The following DRD2 variants were observed in gnomAD, a reference collection of about 807,000 sequenced individuals.
The protein encoded by DRD2 is dopamine receptor D2.
A neutral mutation model predicts 38.0 loss-of-function variants in DRD2; 8 were observed. The ratio of observed to expected loss-of-function variants is 0.21; its 90% CI spans 0.12 to 0.38. The LOEUF is 0.38. DRD2 is among the 10% of genes least tolerant of loss of function. The probability of loss-of-function intolerance (pLI) is 1.00; values close to 1 mark genes in which losing one functional copy is unlikely to be tolerated. For missense variants in DRD2, 403 were observed against 607.7 expected, an observed-to-expected ratio of 0.66 and a Z score of 3.54; for synonymous variants, 230 against 238.6, an observed-to-expected ratio of 0.96 and a Z score of 0.33.
At chr11:113,435,754 C>T (rs906423271) in intron 1 of DRD2, among the ~76,000 whole-genome samples, 1 of 151,788 alleles carries the variant, frequency 6.6e-6, no homozygotes, top group Non-Finnish European at 1.5e-5. Flanking sequence ...TACTTAGCTA[C>T]CAAACTCCTG....
intron 1 of DRD2, among the ~76,000 whole-genome samples, chr11:113,426,126 C>G (rs988536521): frequency 4.6e-5 from 7 of 152,006 alleles, no homozygotes; most frequent in African/African-American, 1.7e-4. Flanking sequence ...GAGACCTGTT[C>G]AGAATTAGGA....
chr11:113,412,236 C>A, intron 7 of DRD2: 1 of 426,934 alleles, frequency 2.3e-6, no homozygotes, highest in South Asian at 2.4e-5. Flanking sequence ...AGTGACTTTC[C>A]TGGGCACATA....
chr11:113,421,917 A>G (rs1591279133), intron 2 of DRD2, among the ~76,000 whole-genome samples: 1 of 152,034 alleles, frequency 6.6e-6, no homozygotes, highest in Admixed American at 6.6e-5. Flanking sequence ...TGGCTTCTGC[A>G]CCCTCCTCCC....
intron 2 of DRD2, among the ~76,000 whole-genome samples, chr11:113,419,656 G>A (rs908532640): frequency 4.6e-5 from 7 of 152,248 alleles, no homozygotes; most frequent in Non-Finnish European, 8.8e-5. Flanking sequence ...CTACCAATAG[G>A]AGCAGAGAGG....
At chr11:113,427,060 C>A (rs1950947452) in intron 1 of DRD2, among the ~76,000 whole-genome samples, 2 of 152,242 alleles carry the variant, frequency 1.3e-5, no homozygotes, top group Non-Finnish European at 2.9e-5. Flanking sequence ...CCACTCCCTG[C>A]TGCTGATGAT....
At position 113,429,131 on chromosome 11, in the gene DRD2, C is replaced by T. The variant is rs534277702; in HGVS notation, c.-31-4449G>A. The stretch of plus-strand genomic sequence containing the variant: ...CGTTGCTTTTTGTTGCTAATACAAA[C>T]GTAGTATATTTACACCATAGGAAAA... On this transcript the variant is annotated intron_variant, in intron 1 of 7. Coordinates refer to ENST00000362072, the MANE Select transcript of DRD2 (RefSeq NM_000795.4). Among the ~76,000 whole-genome samples the T allele has an allele frequency of 3.6e-4, 55 of 152,208 alleles. 1 individual carries two copies. The highest frequency in any genetic ancestry group is 8.8e-5 in the Non-Finnish European group (6 of 68,022).
intron 5 of DRD2, among the ~76,000 whole-genome samples, chr11:113,414,664 C>T (rs1180160836): frequency 6.6e-6 from 1 of 152,186 alleles, no homozygotes; most frequent in Non-Finnish European, 1.5e-5. Flanking sequence ...AACACAAGGA[C>T]CTGGTTTTTT....
In DRD2 at chr11:113,418,162, GGACAGCA is replaced by G. The variant is rs748688997; in HGVS notation, c.286-33_286-27del. The stretch of plus-strand genomic sequence containing the variant: ...CTGGGGACAAAGCAACATAATGGAT[GGACAGCA>G]GGAGTGGGAGATTAGCTTAGGTCCT... On this transcript the variant is annotated intron_variant, in intron 2 of 7. Transcript: ENST00000362072. 1.1e-5 allele frequency: 17 copies of G among 1,584,818 alleles called. 1 individual carries two copies. In the East Asian group the frequency reaches 3.4e-4, roughly 31 times the overall value.
chr11:113,415,640 G>A, intron 4 of DRD2, 29 bp from the exon 5 acceptor site: 2 of 1,588,908 alleles, frequency 1.3e-6, no homozygotes, highest in Non-Finnish European at 1.7e-6. Context: ...GGGCAGGCAG[G>A]GAGTCAGCGG....
chr11:113,419,924 G>C (rs973994955), intron 2 of DRD2, among the ~76,000 whole-genome samples: 2 of 152,212 alleles, frequency 1.3e-5, no homozygotes, highest in Non-Finnish European at 2.9e-5. Flanking sequence ...GCTCACATGG[G>C]GGCCCCGTAC....
Position 113,424,415 on chromosome 11 carries a change from G to A in DRD2, c.237C>T (p.Ala79=), listed in dbSNP as rs759920076. 48 of 1,614,066 alleles carry A rather than the reference G, an allele frequency of 3.0e-5. No individual in the cohort carries two copies. The highest frequency in any genetic ancestry group is 6.7e-5 in the East Asian group (3 of 44,886). The stretch of plus-strand genomic sequence containing the variant: ...TGACCAGTGTGGCGACGAGGAGGTC[G>A]GCCACTGCGAGGCTGACGATCAGGT... ...TNYLIVSLAV[A]DLLVATLVMP... is the part of the protein sequence containing the mutation. The change falls in exon 2 of 8, where the codon GCC becomes GCT. Residue 79 remains alanine, a synonymous_variant. Transcript: ENST00000362072.
rs543364200 is a variant in DRD2 at position 113,458,843 on chromosome 11, C to T, written c.-32+16233G>A. The stretch of plus-strand genomic sequence containing the variant: ...ACAAATGTTCAGGGTCTACTATGCA[C>T]TAAACACCAAGGGCAAGATCTTATG... On this transcript the variant is annotated intron_variant, in intron 1 of 7. Coordinates refer to ENST00000362072, the MANE Select transcript of DRD2 (RefSeq NM_000795.4). Among the ~76,000 whole-genome samples, 3 of 152,232 alleles carry T rather than the reference C, an allele frequency of 2.0e-5. No individual in the cohort carries two copies. The South Asian group carries it at 6.2e-4, about 32-fold the overall frequency.
intron 1 of DRD2, chr11:113,447,473 T>TG (rs1403614765): frequency 1.8e-5 from 2 of 112,386 alleles, no homozygotes; most frequent in Non-Finnish European, 4.1e-5. Flanking sequence ...TACCACCCTC[T>TG]GAAAAAAAAA....
intron 1 of DRD2, among the ~76,000 whole-genome samples, chr11:113,467,161 G>C (rs1025927815): frequency 2.6e-5 from 4 of 152,116 alleles, no homozygotes; most frequent in Admixed American, 1.3e-4. Flanking sequence ...TGAAAGAGTT[G>C]AAAGGGCTGA....
chr11:113,468,719 G>T (rs1194991574), intron 1 of DRD2, among the ~76,000 whole-genome samples: 1 of 152,004 alleles, frequency 6.6e-6, no homozygotes, highest in African/African-American at 2.4e-5. Flanking sequence ...TAATTTTTTT[G>T]TGTGTTTTAG....
At chr11:113,467,411 T>G (rs1951380731) in intron 1 of DRD2, among the ~76,000 whole-genome samples, 1 of 152,188 alleles carries the variant, frequency 6.6e-6, no homozygotes, top group Non-Finnish European at 1.5e-5. Context: ...CCATCCTCCT[T>G]TCTCAGGCAG....
chr11:113,423,039 T>C (rs1447853042), intron 2 of DRD2, among the ~76,000 whole-genome samples: 1 of 152,098 alleles, frequency 6.6e-6, no homozygotes. Context: ...GACTCCCAGA[T>C]TGCTTGAGTC....
intron 3 of DRD2, among the ~76,000 whole-genome samples, chr11:113,417,514 G>C (rs1950839098): frequency 6.6e-6 from 1 of 152,140 alleles, no homozygotes; most frequent in South Asian, 2.1e-4. Context: ...ATGGTGTGAG[G>C]GAGGTAGGGT....
At chr11:113,456,670 C>T (rs541294481) in intron 1 of DRD2, among the ~76,000 whole-genome samples, 1 of 152,114 alleles carries the variant, frequency 6.6e-6, no homozygotes, top group South Asian at 2.1e-4. Context: ...ACAAATACTG[C>T]ATTATGTGAG....
Sources: gnomAD v4.1 joint callset for allele counts (sites outside exome capture counted in the v4.1 genomes callset) on GRCh38, gnomAD v4.1.1 for gene constraint, MANE v1.5 for transcripts, NCBI Gene and HGNC (gene_info 2026-07-23, HGNC 2026-07-21) for gene names.